STIL: variants seen among roughly 807,000 people sequenced by gnomAD.
The protein encoded by STIL is STIL centriolar assembly protein.
Under a neutral mutation model 110.1 loss-of-function variants are expected in STIL, and 55 were observed. The observed-to-expected ratio is 0.50, with a 90% CI of 0.40 to 0.63. The LOEUF is 0.63. Ranked by LOEUF, STIL falls within the 20% of genes least tolerant of loss-of-function variation. The pLI, the probability that STIL is intolerant of heterozygous loss-of-function variation, is 0.00. For missense variants in STIL, 1,358 were observed against 1,530.0 expected (o/e 0.89, Z 1.87); for synonymous variants, 481 against 530.0 (o/e 0.91, Z 1.27).
At chr1:47,305,020 T>G (rs776290263) in intron 2 of STIL, 24 bp from the exon 3 acceptor site, 1 of 1,569,846 alleles carries the variant, frequency 6.4e-7, no homozygotes, top group Non-Finnish European at 8.8e-7. Context: ...AATGTAAAAT[T>G]AAAGCACAAG....
chr1:47,265,260 A>AAAAAC (rs1553170532), intron 14 of STIL, among the ~76,000 whole-genome samples: 12 of 148,396 alleles, frequency 8.1e-5, no homozygotes, highest in Non-Finnish European at 1.3e-4. Flanking sequence ...AAAAAAAAAA[A>AAAAAC]CACAAGATTG....
intron 7 of STIL, among the ~76,000 whole-genome samples, chr1:47,295,408 C>T (rs1271978388): frequency 1.3e-5 from 2 of 151,904 alleles, no homozygotes; most frequent in South Asian, 2.1e-4. Context: ...GGTAAAACCC[C>T]GTCTCTACTA....
At chr1:47,295,878 C>T (rs372706946) in intron 6 of STIL, 30 bp from the exon 7 acceptor site, 8 of 1,511,210 alleles carry the variant, frequency 5.3e-6, no homozygotes, top group Non-Finnish European at 1.8e-6. Context: ...GTGAAAATAA[C>T]TGAAATTATG....
intron 10 of STIL, among the ~76,000 whole-genome samples, chr1:47,286,267 C>G (rs1173698290): frequency 6.6e-6 from 1 of 152,108 alleles, no homozygotes; most frequent in African/African-American, 2.4e-5. Context: ...TGCCCCCCAC[C>G]ACTAGTTACC....
rs1645052361 is a variant in STIL at position 47,278,432 on chromosome 1, T to C, written c.2217+1809A>G. Among the ~76,000 whole-genome samples the C allele has an allele frequency of 2.0e-5, 3 of 152,122 alleles. No homozygotes were observed. The South Asian group carries it at 6.2e-4, about 32-fold the overall frequency. ...GAAGCATTTTTTTGTATATTTCATA[T>C]TTTCTAAATATAATGATTCAGATAG... On this transcript the variant is annotated intron_variant, in intron 12 of 16. Transcript: ENST00000371877.
chr1:47,287,463 C>G (rs976507586), intron 10 of STIL, 88 bp downstream of exon 10: 2 of 826,002 alleles, frequency 2.4e-6, no homozygotes, highest in Admixed American at 5.5e-5. Flanking sequence ...ATCATTTCAT[C>G]AGAAATAATT....
At chr1:47,301,322 T>C (rs1050332925) in intron 5 of STIL, among the ~76,000 whole-genome samples, 1 of 152,162 alleles carries the variant, frequency 6.6e-6, no homozygotes, top group Non-Finnish European at 1.5e-5. Context: ...CTCTAAACAC[T>C]ACCCTAAGTA....
At chr1:47,297,624 T>G (rs1645679781) in intron 6 of STIL, among the ~76,000 whole-genome samples, 1 of 152,102 alleles carries the variant, frequency 6.6e-6, no homozygotes, top group Non-Finnish European at 1.5e-5. Flanking sequence ...TTGTCCTAGC[T>G]GGAGAGCAGT....
chr1:47,299,157 G>C (rs1310637074), intron 6 of STIL, among the ~76,000 whole-genome samples: 1 of 151,224 alleles, frequency 6.6e-6, no homozygotes, highest in East Asian at 2.0e-4. Flanking sequence ...AGTCCAGCCT[G>C]GCCAACATGG....
intron 14 of STIL, among the ~76,000 whole-genome samples, chr1:47,263,744 G>GTTTTTTTTTTTTTTTTTTT (rs60915271): frequency 1.0e-5 from 1 of 98,312 alleles, no homozygotes; most frequent in Non-Finnish European, 2.0e-5. Context: ...TTCATTCCAA[G>GTTTTTTTTTTTTTTTTTTT]TTTTTTTTTT....
chr1:47,280,155 A>C, intron 12 of STIL, 86 bp downstream of exon 12: 4 of 1,560,712 alleles, frequency 2.6e-6, no homozygotes, highest in Non-Finnish European at 3.5e-6. Flanking sequence ...ATACTTCTAT[A>C]AAACATCATT....
chr1:47,257,871 G>A (rs1034315650), intron 16 of STIL, among the ~76,000 whole-genome samples: 3 of 152,154 alleles, frequency 2.0e-5, no homozygotes, highest in African/African-American at 7.2e-5. Context: ...ATCTCTTATA[G>A]GCTGGCTCAT....
Position 47,304,908 on chromosome 1 carries a change from A to T in STIL, c.133T>A (p.Leu45Ile). The T allele has an allele frequency of 6.2e-7, 1 of 1,612,666 alleles. No homozygotes were observed. Among genetic ancestry groups the T allele is most frequent in the African/African-American group, 1.3e-5 (1 of 75,014 alleles). Residue 45 changes from leucine (L) to isoleucine (I), a missense_variant, in exon 3 of 17, where the codon TTA (leucine) becomes ATA (isoleucine). Coordinates refer to ENST00000371877, the MANE Select transcript of STIL (RefSeq NM_001048166.1). ...NPTPTGDFIYLHLSYYRNPKL... is the reference protein window; with the variant it reads ...NPTPTGDFIYIHLSYYRNPKL... ...TTATACCTGTAGTAACTGAGATGTA[A>T]GTAGATGAAATCTCCAGTTGGCGTT...
intron 2 of STIL, 166 bp from the exon 3 acceptor site, chr1:47,305,162 A>C (rs914458892): frequency 2.4e-5 from 14 of 574,014 alleles, no homozygotes; most frequent in Non-Finnish European, 4.0e-5. Flanking sequence ...GTCTCACTCC[A>C]TCACCCAGGC....
Position 47,280,301 on chromosome 1 carries a change from A to C in STIL, c.2157T>G (p.Ser719=). ...CTGTGAGGAACCGATATGCATCTGGAGATAGTCCCATCATTCCATTATCTG... is the reference window on the plus strand; with the variant it reads ...CTGTGAGGAACCGATATGCATCTGGCGATAGTCCCATCATTCCATTATCTG... ...TESDNGMMGL[S]PDAYRFLTEQ... is the part of the protein sequence containing the mutation. The change falls in exon 12 of 17, where the codon TCT becomes TCG. Residue 719 remains serine, a synonymous_variant. Coordinates refer to ENST00000371877, the MANE Select transcript of STIL (RefSeq NM_001048166.1). 1 of 1,614,182 alleles carries C rather than the reference A, an allele frequency of 6.2e-7. No homozygotes were observed.
At chr1:47,294,736 ACTACT>A (rs1645593375) in intron 7 of STIL, among the ~76,000 whole-genome samples, 1 of 152,234 alleles carries the variant, frequency 6.6e-6, no homozygotes. Flanking sequence ...ATCATTAATT[ACTACT>A]CTAAAGAGAA....
chr1:47,250,861 C>T lies in STIL; in HGVS notation c.*275G>A. ...ATAAAAGAGCAGTTGAGACTTAGAG[C>T]TGGATAGTATCTGTCTACTACTTAA... On this transcript the variant is annotated 3_prime_UTR_variant, in exon 17 of 17. Transcript: ENST00000371877. 1 of 372,892 alleles carries T rather than the reference C, an allele frequency of 2.7e-6. No individual in the cohort carries two copies. 23.1% of individuals were successfully genotyped at this position (372,892 alleles called of 1,614,324 possible).
intron 12 of STIL, among the ~76,000 whole-genome samples, chr1:47,279,482 C>T (rs1181583122): frequency 1.3e-5 from 2 of 151,922 alleles, no homozygotes; most frequent in African/African-American, 2.4e-5. Context: ...AACACTTACA[C>T]ACTAAACACT....
chr1:47,259,154 T>A (rs1644408531), intron 16 of STIL, among the ~76,000 whole-genome samples: 2 of 150,676 alleles, frequency 1.3e-5, no homozygotes, highest in African/African-American at 2.4e-5. Flanking sequence ...GCTCAGCTAA[T>A]TTTTTGTATT....
Sources: gnomAD v4.1 joint callset for allele counts (sites outside exome capture counted in the v4.1 genomes callset) on GRCh38, gnomAD v4.1.1 for gene constraint, MANE v1.5 for transcripts, NCBI Gene and HGNC (gene_info 2026-07-23, HGNC 2026-07-21) for gene names.